The following GC variants were observed in gnomAD, a reference collection of about 807,000 sequenced individuals.
The protein encoded by GC is GC vitamin D binding protein.
GC carries 43 observed loss-of-function variants against 56.7 expected under a neutral mutation model. The observed-to-expected ratio is 0.76, with a 90% CI of 0.59 to 0.98. GC has a LOEUF of 0.98. Ranked by LOEUF, GC falls within the 50% of genes least tolerant of loss-of-function variation. GC has a pLI of 0.00. For synonymous variants in GC, 216 were observed against 202.7 expected, an observed-to-expected ratio of 1.07 and a Z score of -0.56; for missense variants, 529 against 545.9, an observed-to-expected ratio of 0.97 and a Z score of 0.31.
intron 8 of GC, among the ~76,000 whole-genome samples, chr4:71,755,615 C>T (rs1435486462): frequency 6.6e-6 from 1 of 152,066 alleles, no homozygotes; most frequent in Non-Finnish European, 1.5e-5. Flanking sequence ...TTAATACTTG[C>T]TATTGTGACT....
intron 1 of GC, among the ~76,000 whole-genome samples, chr4:71,798,381 T>C (rs1743165290): frequency 6.6e-6 from 1 of 152,236 alleles, no homozygotes; most frequent in Non-Finnish European, 1.5e-5. Context: ...TGTTTGTTTA[T>C]TTACAAGTGC....
In GC at chr4:71,747,914, A is replaced by G. The variant is rs138541816; in HGVS notation, c.1396-1709T>C. Among the ~76,000 whole-genome samples, 387 of 152,294 alleles carry G rather than the reference A, an allele frequency of 2.5e-3. 3 individuals carry two copies. The highest frequency in any genetic ancestry group is 8.0e-3 in the Admixed American group (122 of 15,294). ...GATAAAATTCACAGCGATATTACCA[A>G]CCTGGTATCATTTTTGCTACTTAAA... On this transcript the variant is annotated intron_variant, in intron 11 of 12. Transcript: ENST00000273951.
intron 1 of GC, among the ~76,000 whole-genome samples, chr4:71,774,258 C>T (rs1258740490): frequency 2.6e-5 from 4 of 151,962 alleles, no homozygotes; most frequent in Admixed American, 6.6e-5. Context: ...CAAACACAAA[C>T]GAAAACAGCA....
chr4:71,771,920 G>A (rs547821773), intron 1 of GC, among the ~76,000 whole-genome samples: 75 of 152,210 alleles, frequency 4.9e-4, no homozygotes, highest in Non-Finnish European at 7.1e-4. Context: ...TTTTTAGTTT[G>A]CTCCTAAAGC....
intron 12 of GC, among the ~76,000 whole-genome samples, chr4:71,743,443 A>T (rs1199742490): frequency 6.6e-6 from 1 of 152,220 alleles, no homozygotes; most frequent in Admixed American, 6.5e-5. Context: ...AGACTGATCT[A>T]TCTGAGGGAA....
intron 1 of GC, among the ~76,000 whole-genome samples, chr4:71,803,129 G>A (rs2149311938): frequency 6.6e-6 from 1 of 152,234 alleles, no homozygotes; most frequent in Middle Eastern, 3.4e-3. Context: ...CTAGGATTAG[G>A]GAGAGTTATG....
intron 11 of GC, 70 bp downstream of exon 11, chr4:71,752,448 A>G (rs1428005606): frequency 3.2e-6 from 4 of 1,237,982 alleles, no homozygotes; most frequent in Non-Finnish European, 4.6e-6. Context: ...CAGGAAAGAA[A>G]TGAGTAGATT....
upstream of GC, among the ~76,000 whole-genome samples, chr4:71,785,281 C>T (rs922936915): frequency 1.3e-5 from 2 of 151,640 alleles, no homozygotes; most frequent in African/African-American, 4.8e-5. Context: ...GCCACGTTCT[C>T]CCACTGGCTT....
chr4:71,757,990 T>C, intron 7 of GC, 52 bp downstream of exon 7: 1 of 1,541,000 alleles, frequency 6.5e-7, no homozygotes. Flanking sequence ...CACTCAGTAC[T>C]TGGCACTCAA....
chr4:71,759,049 A>G (rs1291800480), intron 6 of GC, among the ~76,000 whole-genome samples: 1 of 152,174 alleles, frequency 6.6e-6, no homozygotes, highest in East Asian at 1.9e-4. Flanking sequence ...TGTCCTTTTC[A>G]GACTGGCATA....
At chr4:71,745,500 C>T (rs1479640557) in intron 12 of GC, among the ~76,000 whole-genome samples, 1 of 152,140 alleles carries the variant, frequency 6.6e-6, no homozygotes, top group Admixed American at 6.5e-5. Context: ...CAGCTAAGAA[C>T]TGAGATCCAA....
intron 12 of GC, among the ~76,000 whole-genome samples, chr4:71,745,208 G>T (rs763966694): frequency 1.1e-4 from 17 of 152,140 alleles, no homozygotes; most frequent in South Asian, 2.1e-4. Flanking sequence ...TAGATAACTT[G>T]CTCAAATTCA....
At chr4:71,749,459 A>G (rs2149293652) in intron 11 of GC, among the ~76,000 whole-genome samples, 1 of 152,324 alleles carries the variant, frequency 6.6e-6, no homozygotes, top group South Asian at 2.1e-4. Flanking sequence ...TAACAAAGGG[A>G]CAGGGAAAGG....
At chr4:71,778,617 T>A (rs1742579964) in intron 1 of GC, among the ~76,000 whole-genome samples, 1 of 151,844 alleles carries the variant, frequency 6.6e-6, no homozygotes, top group Non-Finnish European at 1.5e-5. Context: ...ATCTCCAGGT[T>A]TTAAAATGTT....
chr4:71,795,603 T>C (rs1743079627), intron 1 of GC, among the ~76,000 whole-genome samples: 4 of 152,236 alleles, frequency 2.6e-5, no homozygotes. Flanking sequence ...GTCTTGACTC[T>C]TTATCCAATT....
At chr4:71,756,518 G>A (rs1741774649) in intron 8 of GC, among the ~76,000 whole-genome samples, 194 bp downstream of exon 8, 1 of 152,092 alleles carries the variant, frequency 6.6e-6, no homozygotes, top group African/African-American at 2.4e-5. Flanking sequence ...TATCACACTC[G>A]ATTATGGTGT....
At chr4:71,761,232 A>G (rs1349045648) in intron 6 of GC, among the ~76,000 whole-genome samples, 6 of 152,206 alleles carry the variant, frequency 3.9e-5, no homozygotes, top group Non-Finnish European at 5.9e-5. Flanking sequence ...GAACTGGAGC[A>G]AAGGTGACTC....
intron 6 of GC, among the ~76,000 whole-genome samples, chr4:71,761,958 G>T (rs1741991445): frequency 6.6e-6 from 1 of 152,204 alleles, no homozygotes; most frequent in Admixed American, 6.5e-5. Flanking sequence ...AGGGAAATGT[G>T]GGTGTGGAAC....
chr4:71,759,884 T>C (rs1219151863), intron 6 of GC, among the ~76,000 whole-genome samples: 1 of 152,210 alleles, frequency 6.6e-6, no homozygotes, highest in Non-Finnish European at 1.5e-5. Context: ...TTAATGATTA[T>C]ATAAGTAATA....
Sources: allele counts gnomAD v4.1 joint callset (sites outside exome capture counted in the v4.1 genomes callset), GRCh38; gene constraint gnomAD v4.1.1; transcripts MANE v1.5; gene names NCBI Gene and HGNC (gene_info 2026-07-23, HGNC 2026-07-21).